ACKR2: variants seen among roughly 807,000 people sequenced by gnomAD.
The protein encoded by ACKR2 is atypical chemokine receptor 2, also known as C-C chemokine receptor D6.
For synonymous variants in ACKR2, 207 were observed against 192.2 expected, an observed-to-expected ratio of 1.08 and a Z score of -0.64; for missense variants, 457 against 477.3, an observed-to-expected ratio of 0.96 and a Z score of 0.40.
At position 42,863,935 on chromosome 3, in the gene ACKR2, C is replaced by T. The variant is rs191282868; in HGVS notation, c.-37-531C>T. On this transcript the variant is annotated intron_variant, in intron 2 of 2. Transcript: ENST00000422265. ...ATGACAGATTGATGGGTGCAGCAAA[C>T]CACCATGGTATGTATATACCTATGT... Among the ~76,000 whole-genome samples the T allele has an allele frequency of 7.4e-3, 1,130 of 152,256 alleles. 18 individuals are homozygous for T. In the South Asian group the frequency reaches 0.077, roughly 10 times the overall value.
At chr3:42,860,508 A>T (rs1454857677) in intron 2 of ACKR2, among the ~76,000 whole-genome samples, 1 of 152,224 alleles carries the variant, frequency 6.6e-6, no homozygotes, top group African/African-American at 2.4e-5. Flanking sequence ...GACCTAGTAG[A>T]CATCTACAGA....
At chr3:42,821,154 T>C (rs541650965) in intron 2 of ACKR2, among the ~76,000 whole-genome samples, 54 of 152,166 alleles carry the variant, frequency 3.5e-4, no homozygotes, top group Middle Eastern at 6.8e-3. Flanking sequence ...AAAGTGCTGG[T>C]GCTAAGATTA....
intron 1 of ACKR2, among the ~76,000 whole-genome samples, chr3:42,812,964 C>T (rs186253362): frequency 2.0e-5 from 3 of 152,290 alleles, no homozygotes; most frequent in East Asian, 3.9e-4. Flanking sequence ...GCTGGGATTA[C>T]AGGCATGAGC....
At chr3:42,834,879 ATTTT>A (rs910469798) in intron 2 of ACKR2, among the ~76,000 whole-genome samples, 1 of 148,480 alleles carries the variant, frequency 6.7e-6, no homozygotes. Context: ...GCCCGGGCAA[ATTTT>A]TTTTTTATTA....
chr3:42,850,514 A>G (rs981180398), intron 2 of ACKR2, among the ~76,000 whole-genome samples: 1 of 152,170 alleles, frequency 6.6e-6, no homozygotes, highest in Non-Finnish European at 1.5e-5. Flanking sequence ...ATTATTGCTC[A>G]GTCCAGGTGG....
At chr3:42,816,732 A>G (rs575196564) in intron 1 of ACKR2, among the ~76,000 whole-genome samples, 1 of 151,598 alleles carries the variant, frequency 6.6e-6, no homozygotes, top group African/African-American at 2.4e-5. Context: ...ATTTTTTTCT[A>G]TTTTTAGTAG....
At chr3:42,838,209 T>G (rs1263012327) in intron 2 of ACKR2, among the ~76,000 whole-genome samples, 2 of 152,054 alleles carry the variant, frequency 1.3e-5, no homozygotes, top group East Asian at 3.8e-4. Context: ...TCACCAAAAT[T>G]AAGAATGTGT....
chr3:42,831,261 A>C (rs544310988), intron 2 of ACKR2, among the ~76,000 whole-genome samples: 3 of 152,316 alleles, frequency 2.0e-5, no homozygotes, highest in Admixed American at 6.5e-5. Flanking sequence ...TTTCAGTGAA[A>C]AGTCTCTTAT....
intron 1 of ACKR2, among the ~76,000 whole-genome samples, chr3:42,811,822 C>T (rs1575370964): frequency 6.6e-6 from 1 of 152,264 alleles, no homozygotes; most frequent in Non-Finnish European, 1.5e-5. Flanking sequence ...CTCTTTGCTA[C>T]ACTGAGATGT....
chr3:42,835,456 C>T (rs1349995299), intron 2 of ACKR2: 1 of 151,948 alleles, frequency 6.6e-6, no homozygotes, highest in African/African-American at 2.4e-5. Context: ...CAGAATCACA[C>T]CCTTTCTCCA....
chr3:42,815,155 A>G (rs1287435733), intron 1 of ACKR2, among the ~76,000 whole-genome samples: 2 of 152,212 alleles, frequency 1.3e-5, no homozygotes, highest in African/African-American at 4.8e-5. Flanking sequence ...GATGTTGACA[A>G]GAGCAGAGGG....
At chr3:42,842,087 C>T (rs1279758967) in intron 2 of ACKR2, among the ~76,000 whole-genome samples, 2 of 152,156 alleles carry the variant, frequency 1.3e-5, no homozygotes, top group Non-Finnish European at 2.9e-5. Context: ...GTGTTGTCGG[C>T]CACAGTGATG....
chr3:42,828,730 A>AG (rs1700898495), intron 2 of ACKR2, among the ~76,000 whole-genome samples: 1 of 151,280 alleles, frequency 6.6e-6, no homozygotes, highest in Non-Finnish European at 1.5e-5. Context: ...GGGGCTAATC[A>AG]GGGGATTCTT....
intron 2 of ACKR2, among the ~76,000 whole-genome samples, chr3:42,826,859 T>C (rs968188231): frequency 6.6e-6 from 1 of 152,232 alleles, no homozygotes; most frequent in Non-Finnish European, 1.5e-5. Flanking sequence ...AATATCTGTA[T>C]TCACATTTCT....
chr3:42,812,680 C>CTTTTTTTTTTTTTTTTTTTTTTTTTTT (rs71616070), intron 1 of ACKR2, among the ~76,000 whole-genome samples: 1 of 72,758 alleles, frequency 1.4e-5, no homozygotes. Context: ...AATTTTCAGC[C>CTTTTTTTTTTTTTTTTTTTTTTTTTTT]TTTTTTTTTT....
At position 42,852,088 on chromosome 3, in the gene ACKR2, G is replaced by T. The variant is rs953716598; in HGVS notation, c.-37-12378G>T. Among the ~76,000 whole-genome samples the T allele has an allele frequency of 1.3e-5, 2 of 152,168 alleles. No individual in the cohort carries two copies. Among genetic ancestry groups the T allele is most frequent in the African/African-American group, 4.8e-5 (2 of 41,428 alleles). ...TAGTTTACCATAATAACCCTGCAAG[G>T]GAGGCAGATTATAGGTGAGAAAGCT... On this transcript the variant is annotated intron_variant, in intron 2 of 2. Coordinates refer to ENST00000422265, the MANE Select transcript of ACKR2 (RefSeq NM_001296.5). This position sits in a 1 kb window ranked among gnomAD's most constrained non-coding sequence, Gnocchi z 4.3.
At chr3:42,822,228 A>G (rs1376741105) in intron 2 of ACKR2, among the ~76,000 whole-genome samples, 11 of 151,722 alleles carry the variant, frequency 7.3e-5, no homozygotes, top group African/African-American at 2.2e-4. Context: ...TCAAATAGTA[A>G]TGGTGGCTTT....
chr3:42,812,180 C>T (rs2125600833), intron 1 of ACKR2, among the ~76,000 whole-genome samples: 1 of 152,226 alleles, frequency 6.6e-6, no homozygotes, highest in South Asian at 2.1e-4. Context: ...AGGGGCTGGC[C>T]CCCTTCAGTT....
At chr3:42,863,321 C>T (rs1191158304) in intron 2 of ACKR2, among the ~76,000 whole-genome samples, 1 of 152,120 alleles carries the variant, frequency 6.6e-6, no homozygotes, top group Non-Finnish European at 1.5e-5. Flanking sequence ...TACCATCTAA[C>T]CCCAGTTAGA....
Sources: allele counts gnomAD v4.1 joint callset (sites outside exome capture counted in the v4.1 genomes callset), GRCh38; gene constraint gnomAD v4.1.1; non-coding constraint Gnocchi (gnomAD v3.1); transcripts MANE v1.5; gene names NCBI Gene and HGNC (gene_info 2026-07-23, HGNC 2026-07-21).